Variants in UBE2V2 observed in about 807,000 individuals in gnomAD.
UBE2V2 encodes ubiquitin conjugating enzyme E2 V2.
A neutral mutation model predicts 17.2 loss-of-function variants in UBE2V2; 9 were observed. That is an observed-to-expected ratio of 0.52 (90% CI 0.32 to 0.91). The LOEUF (loss-of-function observed/expected upper bound fraction) is 0.91. Ranked by LOEUF, UBE2V2 falls within the 40% of genes least tolerant of loss-of-function variation. The pLI, the probability that UBE2V2 is intolerant of heterozygous loss-of-function variation, is 0.04. For synonymous variants in UBE2V2, 61 were observed against 57.5 expected (o/e 1.06, Z -0.28); for missense variants, 133 against 182.6 (o/e 0.73, Z 1.56).
At chr8:48,010,318 C>A (rs2091219043) in intron 1 of UBE2V2, among the ~76,000 whole-genome samples, 1 of 150,648 alleles carries the variant, frequency 6.6e-6, no homozygotes, top group African/African-American at 2.4e-5. Context: ...CTCACTGCAC[C>A]CTCCTCACCT....
At chr8:48,045,879 C>T (rs2091495279) in intron 2 of UBE2V2, among the ~76,000 whole-genome samples, 1 of 152,180 alleles carries the variant, frequency 6.6e-6, no homozygotes, top group African/African-American at 2.4e-5. Context: ...TTAGAAGGTG[C>T]AATGTTGAGA....
upstream of UBE2V2, among the ~76,000 whole-genome samples, chr8:48,004,633 G>A (rs181302228): frequency 2.5e-3 from 378 of 151,350 alleles, 2 homozygotes; most frequent in Admixed American, 4.9e-3. Flanking sequence ...TTGGGTTCAA[G>A]CAATTCTCTG....
At chr8:48,053,422 A>ATTTTTT (rs1218371704) in intron 3 of UBE2V2, among the ~76,000 whole-genome samples, 2 of 136,546 alleles carry the variant, frequency 1.5e-5, no homozygotes, top group Non-Finnish European at 3.2e-5. Flanking sequence ...AGATCTTTTA[A>ATTTTTT]TTTTTTTTTT....
At chr8:48,059,959 A>G (rs780242361) in intron 3 of UBE2V2, among the ~76,000 whole-genome samples, 4 of 151,966 alleles carry the variant, frequency 2.6e-5, no homozygotes, top group Non-Finnish European at 5.9e-5. Flanking sequence ...TAATCCCAGC[A>G]CTTTGGGAGG....
intron 3 of UBE2V2, among the ~76,000 whole-genome samples, chr8:48,059,791 A>T (rs1197855667): frequency 6.6e-6 from 1 of 152,212 alleles, no homozygotes; most frequent in Non-Finnish European, 1.5e-5. Flanking sequence ...CTGAGGTCAG[A>T]TAAAGGAAAG....
intron 1 of UBE2V2, among the ~76,000 whole-genome samples, chr8:48,040,441 C>T (rs1260605527): frequency 6.6e-6 from 1 of 152,034 alleles, no homozygotes; most frequent in Non-Finnish European, 1.5e-5. Context: ...GTTGTCATGC[C>T]TCTATTCTCT....
intron 1 of UBE2V2, among the ~76,000 whole-genome samples, chr8:48,023,389 T>A (rs529529326): frequency 7.2e-4 from 109 of 152,028 alleles, no homozygotes; most frequent in African/African-American, 2.5e-3. Flanking sequence ...CTGATTTTTG[T>A]ATTTTTAGTA....
chr8:48,027,669 T>C (rs540372994), intron 1 of UBE2V2, among the ~76,000 whole-genome samples: 31 of 151,886 alleles, frequency 2.0e-4, no homozygotes, highest in Admixed American at 1.5e-3. Context: ...CTGGGTAATT[T>C]TTGTATTTTT....
intron 2 of UBE2V2, among the ~76,000 whole-genome samples, chr8:48,048,210 A>G (rs564436475): frequency 3.3e-5 from 5 of 152,306 alleles, no homozygotes; most frequent in Middle Eastern, 3.4e-3. Flanking sequence ...TAGTGTGTAC[A>G]CTTACGGTTC....
intron 1 of UBE2V2, among the ~76,000 whole-genome samples, chr8:48,024,006 T>G (rs2091322733): frequency 6.6e-6 from 1 of 152,114 alleles, no homozygotes; most frequent in Non-Finnish European, 1.5e-5. Context: ...AGGACTGGGT[T>G]TGGGAGTGCT....
chr8:48,031,059 A>G (rs2091379260), intron 1 of UBE2V2, among the ~76,000 whole-genome samples: 1 of 151,928 alleles, frequency 6.6e-6, no homozygotes, highest in Non-Finnish European at 1.5e-5. Context: ...AAAAACAAAA[A>G]TTAGCCAGGT....
chr8:48,013,618 C>T (rs989114184), intron 1 of UBE2V2, among the ~76,000 whole-genome samples: 3 of 151,952 alleles, frequency 2.0e-5, no homozygotes, highest in East Asian at 1.9e-4. Flanking sequence ...CCACATGAAA[C>T]GTTTTACATT....
At chr8:48,048,022 A>G (rs1330514550) in intron 2 of UBE2V2, among the ~76,000 whole-genome samples, 2 of 150,408 alleles carry the variant, frequency 1.3e-5, no homozygotes, top group African/African-American at 4.9e-5. Flanking sequence ...TTTAAACAAA[A>G]GGAATTGAGG....
At chr8:48,009,689 G>C (rs1313573877) in intron 1 of UBE2V2, among the ~76,000 whole-genome samples, 1 of 152,324 alleles carries the variant, frequency 6.6e-6, no homozygotes, top group South Asian at 2.1e-4. Flanking sequence ...GGAAGGCTTT[G>C]AATATATGTT....
chr8:47,999,255 C>T, the UBE2V2 span, among the ~76,000 whole-genome samples: 1 of 152,116 alleles, frequency 6.6e-6, no homozygotes, highest in African/African-American at 2.4e-5. Context: ...CTAACAATAT[C>T]CAAGGACTGA....
At chr8:48,030,728 A>G (rs1177512461) in intron 1 of UBE2V2, among the ~76,000 whole-genome samples, 3 of 152,050 alleles carry the variant, frequency 2.0e-5, no homozygotes, top group Non-Finnish European at 2.9e-5. Context: ...AACAAAAAAC[A>G]AAACAAAAAC....
chr8:47,998,933 C>G, the UBE2V2 span, among the ~76,000 whole-genome samples: 2 of 152,078 alleles, frequency 1.3e-5, no homozygotes, highest in Non-Finnish European at 2.9e-5. Context: ...TTGGTATGGC[C>G]GCATCCTGGG....
chr8:48,006,970 TC>T (rs955134439), upstream of UBE2V2, among the ~76,000 whole-genome samples: 38 of 151,870 alleles, frequency 2.5e-4, no homozygotes, highest in African/African-American at 8.7e-4. Context: ...AAGCTCCAAC[TC>T]CCGGGTTCAC....
upstream of UBE2V2, among the ~76,000 whole-genome samples, chr8:48,006,665 C>T (rs2091185003): frequency 1.3e-5 from 2 of 152,046 alleles, no homozygotes; most frequent in Admixed American, 1.3e-4. Context: ...TAATCCATCA[C>T]ATAAACAGAA....
Sources: allele counts gnomAD v4.1 joint callset (sites outside exome capture counted in the v4.1 genomes callset), GRCh38; gene constraint gnomAD v4.1.1; transcripts MANE v1.5; gene names NCBI Gene and HGNC (gene_info 2026-07-23, HGNC 2026-07-21).